The following FBN1 variants were observed in gnomAD, a reference collection of about 807,000 sequenced individuals.
The protein encoded by FBN1 is fibrillin-1.
A neutral mutation model predicts 365.1 loss-of-function variants in FBN1; 29 were observed. That is an observed-to-expected ratio of 0.08 (90% CI 0.06 to 0.11). FBN1 has a LOEUF of 0.11. Among genes scored for constraint, FBN1 ranks in the 10% least tolerant of loss-of-function variants. The probability of loss-of-function intolerance (pLI) is 1.00; values close to 1 mark genes in which losing one functional copy is unlikely to be tolerated. For missense variants in FBN1, 2,476 were observed against 3,703.2 expected, an observed-to-expected ratio of 0.67 and a Z score of 8.60; for synonymous variants, 1,210 against 1,270.5, an observed-to-expected ratio of 0.95 and a Z score of 1.01.
At chr15:48,636,716 C>A (rs138295184) in intron 2 of FBN1, among the ~76,000 whole-genome samples, 1 of 152,130 alleles carries the variant, frequency 6.6e-6, no homozygotes, top group South Asian at 2.1e-4. Flanking sequence ...GGGCTGCAGG[C>A]GCCAGTGCCT....
intron 6 of FBN1, among the ~76,000 whole-genome samples, chr15:48,539,099 T>A (rs1004117897): frequency 6.6e-6 from 1 of 152,218 alleles, no homozygotes; most frequent in African/African-American, 2.4e-5. Flanking sequence ...TCTGCTGGCA[T>A]CCCTCTATCC....
chr15:48,526,270 A>C lies in FBN1; in HGVS notation c.863-15T>G. 6.8e-6 allele frequency: 11 copies of C among 1,613,896 alleles called. No homozygotes were observed. The highest frequency in any genetic ancestry group is 9.3e-6 in the Non-Finnish European group (11 of 1,179,902). ...TTCATCAATATCTGGAATATAAAAAAAAGAATCTCAGCATTTGTAGAACAC... is the reference window on the plus strand; with the variant it reads ...TTCATCAATATCTGGAATATAAAAACAAGAATCTCAGCATTTGTAGAACAC... On this transcript the variant is annotated splice_polypyrimidine_tract_variant and intron_variant, in intron 8 of 65. Transcript: ENST00000316623.
intron 3 of FBN1, among the ~76,000 whole-genome samples, chr15:48,611,512 G>A (rs934339354): frequency 5.9e-5 from 9 of 152,026 alleles, no homozygotes; most frequent in African/African-American, 1.7e-4. Flanking sequence ...CGCCTGCCTC[G>A]GCCTCTCAAA....
intron 2 of FBN1, among the ~76,000 whole-genome samples, chr15:48,615,928 G>A (rs1262060565): frequency 6.6e-6 from 1 of 152,198 alleles, no homozygotes; most frequent in East Asian, 1.9e-4. Context: ...CTTAAGAGAT[G>A]AGAACCCGGG....
chr15:48,520,774 G>A lies in FBN1; in HGVS notation c.1032C>T (p.Arg344=), dbSNP rs2141336180. The A allele has an allele frequency of 6.2e-7, 1 of 1,614,214 alleles. No individual in the cohort carries two copies. The highest frequency in any genetic ancestry group is 1.3e-5 in the African/African-American group (1 of 75,044). ...GYCYTALTNG[R]CSNQLPQSIT... The stretch of plus-strand genomic sequence containing the variant: ...TGGACTGTGGCAGCTGGTTAGAGCA[G>A]CGCCCGTTTGTCAGAGCTGTGTAAC... The change falls in exon 10 of 66, where the codon CGC becomes CGT. Residue 344 remains arginine (R), a synonymous_variant. Transcript: ENST00000316623.
intron 31 of FBN1, among the ~76,000 whole-genome samples, chr15:48,482,189 G>A (rs2043470529): frequency 6.6e-6 from 1 of 152,176 alleles, no homozygotes; most frequent in African/African-American, 2.4e-5. Flanking sequence ...CTTAGTGTAA[G>A]TAGTTTAAGA....
rs7182897 is a variant in FBN1, at chr15:48,546,609, G to A, written c.539-8801C>T. Among the ~76,000 whole-genome samples the A allele has an allele frequency of 6.9e-3, 1,043 of 152,252 alleles. 17 individuals carry two copies. The highest frequency in any genetic ancestry group is 0.024 in the African/African-American group (995 of 41,546). ...GGCTGGATTATGCAGGACATCTCGGGATATGATGAGGAGTCTGGATCTGGC... is the reference window on the plus strand; with the variant it reads ...GGCTGGATTATGCAGGACATCTCGGAATATGATGAGGAGTCTGGATCTGGC... On this transcript the variant is annotated intron_variant, in intron 6 of 65. Transcript: ENST00000316623.
chr15:48,528,647 C>T (rs1273296894), intron 8 of FBN1, among the ~76,000 whole-genome samples: 1 of 152,110 alleles, frequency 6.6e-6, no homozygotes, highest in Admixed American at 6.5e-5. Flanking sequence ...AGGTACATGC[C>T]TTTGAAAGCC....
intron 4 of FBN1, among the ~76,000 whole-genome samples, chr15:48,606,866 G>A (rs1388040281): frequency 1.3e-5 from 2 of 152,230 alleles, no homozygotes; most frequent in Non-Finnish European, 2.9e-5. Flanking sequence ...GACGTGATAA[G>A]GTCATGAGGG....
chr15:48,583,739 T>C (rs2044414653), intron 6 of FBN1, among the ~76,000 whole-genome samples: 1 of 152,222 alleles, frequency 6.6e-6, no homozygotes, highest in Non-Finnish European at 1.5e-5. Flanking sequence ...CCAGACACAG[T>C]CACCATTACA....
intron 32 of FBN1, among the ~76,000 whole-genome samples, chr15:48,480,370 TA>T (rs2043456816): frequency 6.6e-6 from 1 of 152,120 alleles, no homozygotes; most frequent in Non-Finnish European, 1.5e-5. Flanking sequence ...AAGCTAAAAA[TA>T]AAGCTTGAAC....
At chr15:48,471,169 T>A (rs897341957) in intron 35 of FBN1, among the ~76,000 whole-genome samples, 179 of 152,120 alleles carry the variant, frequency 1.2e-3, no homozygotes, top group Non-Finnish European at 4.3e-4. Flanking sequence ...GGAACTGTCA[T>A]AATTAGTTGC....
chr15:48,498,219 C>T (rs1028803645), intron 18 of FBN1, among the ~76,000 whole-genome samples: 2 of 152,024 alleles, frequency 1.3e-5, no homozygotes, highest in African/African-American at 4.8e-5. Context: ...TTACTTATTC[C>T]CCATTAACTC....
chr15:48,541,261 C>T (rs182101017), intron 6 of FBN1, among the ~76,000 whole-genome samples: 2 of 152,216 alleles, frequency 1.3e-5, no homozygotes, highest in African/African-American at 2.4e-5. Flanking sequence ...ATTAAGTATA[C>T]TATATATTTG....
At chr15:48,568,022 AAAGAAAGAAAGAAAGAAAGAAAGAAAG>A (rs1211873760) in intron 6 of FBN1, among the ~76,000 whole-genome samples, 1,180 of 116,526 alleles carry the variant, frequency 0.01, 21 homozygotes, top group South Asian at 0.019. Flanking sequence ...AGAAAGAAAG[AAAGAAAGAAAGAAAGAAAGAAAGAAAG>A]AAGAAAGAAA....
chr15:48,631,035 G>A (rs765304179), intron 2 of FBN1, among the ~76,000 whole-genome samples: 1 of 152,112 alleles, frequency 6.6e-6, no homozygotes, highest in African/African-American at 2.4e-5. Context: ...GGCATGTAGG[G>A]TGCAGCGTAT....
chr15:48,500,233 A>G lies in FBN1; in HGVS notation c.2114-1195T>C, dbSNP rs568245452. ...GAAATACTGTAAGTAATAAAACAAG[A>G]AAACCAAAATCATACCAGTTTTATA... On this transcript the variant is annotated intron_variant, in intron 17 of 65. Transcript: ENST00000316623. Among the ~76,000 whole-genome samples, 7 of 152,164 alleles carry G rather than the reference A, an allele frequency of 4.6e-5. 1 individual carries two copies. The highest frequency in any genetic ancestry group is 4.6e-4 in the Admixed American group (7 of 15,274).
intron 2 of FBN1, among the ~76,000 whole-genome samples, chr15:48,628,800 T>C (rs953986644): frequency 5.3e-5 from 8 of 152,088 alleles, no homozygotes; most frequent in Admixed American, 2.0e-4. Context: ...GCCACCCTAA[T>C]AGATCTAGAA....
chr15:48,446,875 T>C, intron 46 of FBN1, 53 bp from the exon 47 acceptor site: 2 of 1,243,420 alleles, frequency 1.6e-6, no homozygotes, highest in Non-Finnish European at 2.4e-6. Context: ...AAAAAGTGGT[T>C]ACACGGTTAC....
Sources: gnomAD v4.1 joint callset for allele counts (sites outside exome capture counted in the v4.1 genomes callset) on GRCh38, gnomAD v4.1.1 for gene constraint, MANE v1.5 for transcripts, NCBI Gene and HGNC (gene_info 2026-07-23, HGNC 2026-07-21) for gene names.